The following LUC7L2 variants were observed in gnomAD, a reference collection of about 807,000 sequenced individuals.
LUC7L2 encodes putative RNA-binding protein Luc7-like 2.
Under a neutral mutation model 52.8 loss-of-function variants are expected in LUC7L2, and 25 were observed. The observed-to-expected ratio is 0.47, with a 90% confidence interval of 0.34 to 0.66. The LOEUF (loss-of-function observed/expected upper bound fraction) is 0.66. Among genes scored for constraint, LUC7L2 ranks in the 30% least tolerant of loss-of-function variants. The pLI, the probability that LUC7L2 is intolerant of heterozygous loss-of-function variation, is 0.01. For missense variants in LUC7L2, 328 were observed against 497.8 expected (o/e 0.66, Z 3.25); for synonymous variants, 144 against 160.9 (o/e 0.89, Z 0.80).
chr7:139,343,702 C>T (rs73154122), intron 1 of LUC7L2, among the ~76,000 whole-genome samples: 3,154 of 152,186 alleles, frequency 0.021, 35 homozygotes, highest in South Asian at 0.051. Flanking sequence ...TGGGAGGAGG[C>T]GGCAGGTGGA....
intron 2 of LUC7L2, among the ~76,000 whole-genome samples, chr7:139,379,837 A>G (rs1800906330): frequency 6.6e-6 from 1 of 151,994 alleles, no homozygotes; most frequent in Non-Finnish European, 1.5e-5. Context: ...AAGTGCTGCA[A>G]TGATAGGCCT....
chr7:139,364,797 C>G (rs990456860), intron 1 of LUC7L2, among the ~76,000 whole-genome samples: 11 of 152,160 alleles, frequency 7.2e-5, no homozygotes, highest in Non-Finnish European at 8.8e-5. Context: ...ATAAAATCAT[C>G]TTTACTGTAA....
chr7:139,395,675 C>G (rs1794628472), intron 2 of LUC7L2, among the ~76,000 whole-genome samples: 1 of 152,190 alleles, frequency 6.6e-6, no homozygotes, highest in Non-Finnish European at 1.5e-5. Flanking sequence ...GGGTCTAGCT[C>G]TGTCACCCAG....
intron 6 of LUC7L2, among the ~76,000 whole-genome samples, chr7:139,407,993 T>G (rs574139629): frequency 1.6e-4 from 25 of 152,320 alleles, no homozygotes; most frequent in Non-Finnish European, 2.4e-4. Context: ...TACCTTTTAA[T>G]ATGCTGATAG....
Position 139,405,644 on chromosome 7 carries a change from G to T in LUC7L2, c.367G>T (p.Ala123Ser). ...EEISAEVAAK[A>S]ERVHELNEEI... ...GATCTTCTTTTTTATTTCTTTTTAG[G>T]CAGAACGTGTTCATGAGTTAAATGA... The change falls in exon 5 of 10, where the codon GCA becomes TCA. Residue 123 changes from alanine (A) to serine (S), a missense_variant and splice_region_variant. Ala to Ser is a moderately conservative substitution (Grantham distance 99, BLOSUM62 1). Transcript: ENST00000354926. 2 of 1,586,816 alleles carry T rather than the reference G, an allele frequency of 1.3e-6. No individual in the cohort carries two copies. Among genetic ancestry groups the T allele is most frequent in the Admixed American group, 1.9e-5 (1 of 52,596 alleles).
chr7:139,360,646 C>T (rs750040483), intron 1 of LUC7L2, among the ~76,000 whole-genome samples: 117 of 152,208 alleles, frequency 7.7e-4, no homozygotes, highest in Non-Finnish European at 5.6e-4. Context: ...CCCGTTTTGT[C>T]GCTGGTTAGG....
At chr7:139,346,956 G>A (rs868366890) in intron 1 of LUC7L2, among the ~76,000 whole-genome samples, 3 of 152,180 alleles carry the variant, frequency 2.0e-5, no homozygotes, top group African/African-American at 7.2e-5. Flanking sequence ...CTCCTCGTCT[G>A]TCTCCACTGC....
chr7:139,351,054 AG>A (rs1219337799), intron 1 of LUC7L2, among the ~76,000 whole-genome samples: 3 of 152,084 alleles, frequency 2.0e-5, no homozygotes, highest in African/African-American at 7.2e-5. Context: ...GGTATTCCTC[AG>A]GGTCCAGACC....
At chr7:139,401,869 C>T (rs558869700) in intron 3 of LUC7L2, among the ~76,000 whole-genome samples, 13 of 151,810 alleles carry the variant, frequency 8.6e-5, no homozygotes, top group Non-Finnish European at 1.8e-4. Flanking sequence ...TTCCTTCCGC[C>T]TCAGCCTCCC....
chr7:139,375,092 A>T, intron 1 of LUC7L2: 4 of 984,302 alleles, frequency 4.1e-6, no homozygotes, highest in Non-Finnish European at 4.8e-6. Flanking sequence ...TTATCATTCT[A>T]TATAGAAAGA....
chr7:139,405,615 T>G, intron 4 of LUC7L2, 29 bp from the exon 5 acceptor site: 1 of 1,567,212 alleles, frequency 6.4e-7, no homozygotes, highest in Non-Finnish European at 8.6e-7. Context: ...TCTTGTTTAT[T>G]CATGATCTTC....
chr7:139,348,340 T>G (rs186599347), intron 1 of LUC7L2, among the ~76,000 whole-genome samples: 1 of 152,124 alleles, frequency 6.6e-6, no homozygotes, highest in African/African-American at 2.4e-5. Context: ...GTCTGGCCAT[T>G]ATTTTTCAAG....
chr7:139,389,480 T>C (rs1415947454), intron 2 of LUC7L2, among the ~76,000 whole-genome samples: 2 of 152,106 alleles, frequency 1.3e-5, no homozygotes, highest in African/African-American at 4.8e-5. Flanking sequence ...TGTATTCTCC[T>C]CTTGAAGCAT....
chr7:139,397,020 A>G (rs1414008276), intron 2 of LUC7L2, among the ~76,000 whole-genome samples: 1 of 152,126 alleles, frequency 6.6e-6, no homozygotes, highest in Non-Finnish European at 1.5e-5. Flanking sequence ...TAATTATCAT[A>G]CGTTTGTTTT....
Position 139,360,773 on chromosome 7 carries a change from C to T in LUC7L2, c.61+451C>T, listed in dbSNP as rs543575866. ...AGAGAGAAGCTTCCCCCTCCTCTTC[C>T]TGGGTCAGGAGGAAACCTTTATTAC... On this transcript the variant is annotated intron_variant, in intron 1 of 9. Coordinates refer to ENST00000354926, the MANE Select transcript of LUC7L2 (RefSeq NM_016019.5). Among the ~76,000 whole-genome samples, 19 of 152,292 alleles carry T rather than the reference C, an allele frequency of 1.2e-4. No homozygotes were observed. In the East Asian group the frequency reaches 3.5e-3, roughly 28 times the overall value.
intron 1 of LUC7L2, among the ~76,000 whole-genome samples, chr7:139,367,909 G>A (rs1214154931): frequency 9.2e-5 from 14 of 152,240 alleles, no homozygotes; most frequent in Admixed American, 8.5e-4. Context: ...TGTGGGAAAA[G>A]CTGCTTATCA....
At chr7:139,396,961 T>C (rs1000809485) in intron 2 of LUC7L2, among the ~76,000 whole-genome samples, 25 of 152,238 alleles carry the variant, frequency 1.6e-4, no homozygotes, top group Non-Finnish European at 3.1e-4. Flanking sequence ...CTTTTGAATC[T>C]TGATCTCGTG....
intron 1 of LUC7L2, among the ~76,000 whole-genome samples, chr7:139,342,208 C>T (rs1012656811): frequency 1.3e-5 from 2 of 152,120 alleles, no homozygotes; most frequent in Admixed American, 6.5e-5. Flanking sequence ...AAGACACTTG[C>T]TGCCCACCTA....
intron 9 of LUC7L2, 145 bp downstream of exon 9, chr7:139,417,874 T>A: frequency 8.4e-7 from 1 of 1,184,758 alleles, no homozygotes; most frequent in Non-Finnish European, 1.1e-6. Context: ...TGTGTGGGTG[T>A]ACAACATTTT....
Sources: gnomAD v4.1 joint callset for allele counts (sites outside exome capture counted in the v4.1 genomes callset) on GRCh38, gnomAD v4.1.1 for gene constraint, MANE v1.5 for transcripts, NCBI Gene and HGNC (gene_info 2026-07-23, HGNC 2026-07-21) for gene names.